Variants in PARD3B observed in about 807,000 individuals in gnomAD.
PARD3B encodes par-3 family cell polarity regulator beta.
Under a neutral mutation model 130.2 loss-of-function variants are expected in PARD3B, and 103 were observed. The ratio of observed to expected loss-of-function variants is 0.79; its 90% CI spans 0.67 to 0.93. The LOEUF (loss-of-function observed/expected upper bound fraction) is 0.93. PARD3B is among the 40% of genes least tolerant of loss of function. PARD3B has a pLI of 0.00. For synonymous variants in PARD3B, 583 were observed against 553.2 expected (o/e 1.05, Z -0.76); for missense variants, 1,609 against 1,499.2 (o/e 1.07, Z -1.21).
At chr2:204,800,943 T>G (rs1471354534) in intron 2 of PARD3B, among the ~76,000 whole-genome samples, 1 of 152,212 alleles carries the variant, frequency 6.6e-6, no homozygotes, top group Non-Finnish European at 1.5e-5. Flanking sequence ...TAGCCAGTTT[T>G]CCCAACAGTA....
rs2044015501 is a variant in PARD3B, at chr2:205,352,089, C to T, written c.2631-48924C>T. Among the ~76,000 whole-genome samples the T allele has an allele frequency of 6.6e-6, 1 of 152,150 alleles. No homozygotes were observed. Among genetic ancestry groups the T allele is most frequent in the Non-Finnish European group, 1.5e-5 (1 of 68,018 alleles). ...AATTCTACCCAGTTTACTCTCATTA[C>T]ACCACAAGAGCCTTGGATTTTCTAT... On this transcript the variant is annotated intron_variant, in intron 18 of 22. Transcript: ENST00000406610. This position sits in a 1 kb window ranked among gnomAD's most constrained non-coding sequence, Gnocchi z 5.2.
intron 18 of PARD3B, among the ~76,000 whole-genome samples, chr2:205,305,673 C>A (rs2042161904): frequency 6.6e-6 from 1 of 152,144 alleles, no homozygotes; most frequent in African/African-American, 2.4e-5. Flanking sequence ...GAGTTCAATC[C>A]TGGCTTCTCT....
chr2:204,863,754 C>T (rs571857038), intron 2 of PARD3B, among the ~76,000 whole-genome samples: 1 of 152,290 alleles, frequency 6.6e-6, no homozygotes, highest in East Asian at 1.9e-4. Flanking sequence ...ATGAAATTTG[C>T]AGTGCCTCAA....
At chr2:204,645,767 C>T (rs940604009) in intron 1 of PARD3B, among the ~76,000 whole-genome samples, 1 of 152,140 alleles carries the variant, frequency 6.6e-6, no homozygotes, top group African/African-American at 2.4e-5. Context: ...ATGCATCTCA[C>T]TAAACTTTTA....
Position 204,672,979 on chromosome 2 carries a change from G to A in PARD3B, c.121-13202G>A, listed in dbSNP as rs570203717. Among the ~76,000 whole-genome samples, 701 of 152,332 alleles carry A rather than the reference G, an allele frequency of 4.6e-3. 2 individuals carry two copies. The highest frequency in any genetic ancestry group is 7.3e-3 in the Non-Finnish European group (498 of 68,042). ...TCTGTTGTCAAGAAAGAAAATATAT[G>A]TATGTATATGTATGCCCGTGTATGT... On this transcript the variant is annotated intron_variant, in intron 1 of 22. Transcript: ENST00000406610.
chr2:205,036,852 T>C (rs1359129037), intron 3 of PARD3B, among the ~76,000 whole-genome samples: 5 of 150,470 alleles, frequency 3.3e-5, no homozygotes, highest in African/African-American at 4.9e-5. Context: ...ACATATATAG[T>C]GGACTGTATA....
chr2:205,144,241 T>C (rs1444682222), intron 10 of PARD3B, among the ~76,000 whole-genome samples: 1 of 152,152 alleles, frequency 6.6e-6, no homozygotes. Flanking sequence ...AGATGGGAGA[T>C]ATGTGGAGCA....
chr2:205,553,398 A>AC lies in PARD3B; in HGVS notation c.3258dup (p.Arg1087GlnfsTer170). On this transcript the variant is annotated frameshift_variant, in exon 22 of 23. Transcript: ENST00000406610. LOFTEE classifies it high-confidence loss of function. ...GGATGGAGAGGCAGTACGCATCCTT[A>AC]CCCAGGTAGATCACGGAGAGGTCTC... 1 of 1,613,808 alleles carries AC rather than the reference A, an allele frequency of 6.2e-7. No homozygotes were observed. The highest frequency in any genetic ancestry group is 8.5e-7 in the Non-Finnish European group (1 of 1,179,752).
chr2:205,064,155 A>C (rs1025255366), intron 4 of PARD3B, among the ~76,000 whole-genome samples: 7 of 152,236 alleles, frequency 4.6e-5, no homozygotes, highest in African/African-American at 1.7e-4. Flanking sequence ...CAAGTGGCAA[A>C]ATACAATTTA....
intron 18 of PARD3B, among the ~76,000 whole-genome samples, chr2:205,331,520 A>C (rs1270069423): frequency 1.3e-5 from 2 of 151,804 alleles, no homozygotes; most frequent in Non-Finnish European, 2.9e-5. Flanking sequence ...GGTGGTTCAC[A>C]CCTGTAAGCC....
chr2:205,454,189 G>A (rs911068044), intron 20 of PARD3B, among the ~76,000 whole-genome samples: 6 of 152,098 alleles, frequency 3.9e-5, no homozygotes, highest in African/African-American at 1.4e-4. Context: ...TGTGACCTGT[G>A]CTTTGCATTA....
intron 2 of PARD3B, among the ~76,000 whole-genome samples, chr2:204,921,925 G>A (rs762726374): frequency 1.3e-5 from 2 of 152,122 alleles, no homozygotes; most frequent in Non-Finnish European, 2.9e-5. Context: ...CTGCAGAGTT[G>A]TACAACTGTT....
intron 2 of PARD3B, among the ~76,000 whole-genome samples, chr2:204,694,077 A>C (rs2037479560): frequency 6.6e-6 from 1 of 152,080 alleles, no homozygotes; most frequent in Non-Finnish European, 1.5e-5. Flanking sequence ...GATATCGTTC[A>C]CATCGTATTA....
chr2:205,609,506 CCA>C (rs1399677399), intron 22 of PARD3B, among the ~76,000 whole-genome samples: 1 of 152,066 alleles, frequency 6.6e-6, no homozygotes, highest in Non-Finnish European at 1.5e-5. Context: ...CCAAATTTGG[CCA>C]CAGTCAATTA....
At chr2:205,031,486 C>G (rs529593709) in intron 3 of PARD3B, among the ~76,000 whole-genome samples, 1 of 152,240 alleles carries the variant, frequency 6.6e-6, no homozygotes, top group African/African-American at 2.4e-5. Flanking sequence ...TCTCAGGAAC[C>G]ATTTGACAAG....
chr2:205,410,258 A>G (rs1338376942), intron 19 of PARD3B, among the ~76,000 whole-genome samples: 1 of 152,164 alleles, frequency 6.6e-6, no homozygotes, highest in African/African-American at 2.4e-5. Flanking sequence ...CAGATTTGGG[A>G]TGCTCAACCT....
At position 205,550,923 on chromosome 2, in the gene PARD3B, ATGTGTGTGTG is replaced by A. The variant is rs372406832; in HGVS notation, c.3181-2391_3181-2382del. On this transcript the variant is annotated intron_variant, in intron 21 of 22. Coordinates refer to ENST00000406610, the MANE Select transcript of PARD3B (RefSeq NM_001302769.2). The surrounding 1 kb of genome is among the most constrained non-coding windows in gnomAD (Gnocchi z 4.5). The stretch of plus-strand genomic sequence containing the variant: ...AATCATGTTATAAATACATATAATT[ATGTGTGTGTG>A]TGTGTGTGTATATATATATGTGTAT... Among the ~76,000 whole-genome samples the A allele has an allele frequency of 1.5e-5, 2 of 135,058 alleles. No individual in the cohort carries two copies. The highest frequency in any genetic ancestry group is 1.6e-5 in the Non-Finnish European group (1 of 64,486). The allele number at this position is 135,058 out of a possible 152,430, so 88.6% of individuals were successfully genotyped here. A position where few individuals can be genotyped will look rare whatever the true frequency, so the allele number is the denominator to read the frequency against.
intron 20 of PARD3B, among the ~76,000 whole-genome samples, chr2:205,465,882 C>T (rs971327484): frequency 2.0e-5 from 3 of 152,194 alleles, no homozygotes; most frequent in Non-Finnish European, 2.9e-5. Flanking sequence ...TGAAAGCTGC[C>T]TCCAACCAGG....
chr2:205,331,247 C>A (rs1275809154), intron 18 of PARD3B, among the ~76,000 whole-genome samples: 1 of 145,614 alleles, frequency 6.9e-6, no homozygotes, highest in East Asian at 2.0e-4. Flanking sequence ...TGCATATAAG[C>A]ACACATGCAC....
Sources: gnomAD v4.1 joint callset for allele counts (sites outside exome capture counted in the v4.1 genomes callset) on GRCh38, gnomAD v4.1.1 for gene constraint, Gnocchi (gnomAD v3.1) non-coding constraint, MANE v1.5 for transcripts, NCBI Gene and HGNC (gene_info 2026-07-23, HGNC 2026-07-21) for gene names.